Variants in SGIP1 observed in about 807,000 individuals in gnomAD.
SGIP1 encodes the protein SH3GL interacting endocytic adaptor 1, also known as SH3-containing GRB2-like protein 3-interacting protein 1.
SGIP1 carries 38 observed loss-of-function variants against 107.5 expected under a neutral mutation model. The ratio of observed to expected loss-of-function variants is 0.35; its 90% CI spans 0.27 to 0.46. The LOEUF (loss-of-function observed/expected upper bound fraction) is 0.46, where lower values mean the gene tolerates loss of function less well. Ranked by LOEUF, SGIP1 falls within the 20% of genes least tolerant of loss-of-function variation. The pLI, the probability that SGIP1 is intolerant of heterozygous loss-of-function variation, is 1.00. For synonymous variants in SGIP1, 365 were observed against 366.1 expected (o/e 1.00, Z 0.03); for missense variants, 929 against 1,019.5 (o/e 0.91, Z 1.21).
At chr1:66,741,138 G>A in intron 23 of SGIP1, 134 bp from the exon 24 acceptor site, 3 of 949,340 alleles carry the variant, frequency 3.2e-6, no homozygotes, top group Middle Eastern at 3.4e-4. Flanking sequence ...AATATTCAAT[G>A]ATAAACTCAT....
chr1:66,692,017 G>T (rs1031650353), intron 17 of SGIP1, among the ~76,000 whole-genome samples: 1 of 152,000 alleles, frequency 6.6e-6, no homozygotes, highest in Non-Finnish European at 1.5e-5. Flanking sequence ...AAATTAGCCG[G>T]GTGTGGTGGT....
intron 7 of SGIP1, among the ~76,000 whole-genome samples, chr1:66,650,034 T>A (rs1027769514): frequency 6.6e-6 from 1 of 152,166 alleles, no homozygotes; most frequent in Non-Finnish European, 1.5e-5. Context: ...AGAAGCTACA[T>A]GTAAAGATTG....
In SGIP1 at chr1:66,740,719, G is replaced by C; in HGVS notation, c.2296G>C (p.Gly766Arg). Reference sequence around the variant, plus strand: ...TGATATCTCTCAGAAGTCAGAAAATGGAGGTAATGGAATCACAAGTTTATT... The same window carrying C: ...TGATATCTCTCAGAAGTCAGAAAATCGAGGTAATGGAATCACAAGTTTATT... Reference protein sequence around the residue: ...IPDISQKSENGGVGSLLARFQ... With the variant: ...IPDISQKSENRGVGSLLARFQ... Residue 766 changes from glycine to arginine, a missense_variant, in exon 23 of 25, where the codon GGA becomes CGA. This residue lies in a region of SGIP1 where 341 missense variants were observed against 430.9 expected (regional missense o/e 0.79). Coordinates refer to ENST00000371037, the MANE Select transcript of SGIP1 (RefSeq NM_032291.4). 1 of 1,598,798 alleles carries C rather than the reference G, an allele frequency of 6.3e-7. No homozygotes were observed. The highest frequency in any genetic ancestry group is 2.2e-5 in the East Asian group (1 of 44,666).
At chr1:66,613,948 G>T (rs922155974) in intron 1 of SGIP1, among the ~76,000 whole-genome samples, 1 of 152,172 alleles carries the variant, frequency 6.6e-6, no homozygotes, top group African/African-American at 2.4e-5. Flanking sequence ...GATATCTTCT[G>T]ATAGTGATGC....
chr1:66,711,885 C>G (rs2092944498), intron 18 of SGIP1, among the ~76,000 whole-genome samples: 1 of 152,106 alleles, frequency 6.6e-6, no homozygotes, highest in African/African-American at 2.4e-5. Context: ...GGTGCAGATC[C>G]TTCCTTGGAT....
rs1171981132 is a variant in SGIP1, at chr1:66,650,314, A to G, written c.459+6595A>G. Among the ~76,000 whole-genome samples the G allele has an allele frequency of 2.0e-5, 3 of 152,214 alleles. No individual in the cohort carries two copies. The East Asian group carries it at 5.8e-4, about 29-fold the overall frequency. ...GACTTATTGAAGGCTAACATTCACA[A>G]TGGCACACTTCATTGTGCATCATGG... On this transcript the variant is annotated intron_variant, in intron 7 of 24. Transcript: ENST00000371037.
At chr1:66,742,460 CTTTTTTT>C (rs764080079) in intron 24 of SGIP1, among the ~76,000 whole-genome samples, 1,777 of 44,990 alleles carry the variant, frequency 0.039, 31 homozygotes, top group African/African-American at 0.1. Flanking sequence ...AGCACCCTTT[CTTTTTTT>C]TTTTTTTTTT....
At chr1:66,622,101 G>A (rs1179684531) in intron 1 of SGIP1, among the ~76,000 whole-genome samples, 3 of 152,166 alleles carry the variant, frequency 2.0e-5, no homozygotes, top group Non-Finnish European at 4.4e-5. Flanking sequence ...ATGAAACCAC[G>A]TGAGTGGATG....
chr1:66,610,899 T>G (rs1258327166), intron 1 of SGIP1, among the ~76,000 whole-genome samples: 1 of 152,110 alleles, frequency 6.6e-6, no homozygotes, highest in Non-Finnish European at 1.5e-5. Context: ...AATCAAACAT[T>G]GTATGCTCTC....
intron 1 of SGIP1, among the ~76,000 whole-genome samples, chr1:66,584,150 T>C (rs1254033155): frequency 6.6e-6 from 1 of 152,144 alleles, no homozygotes; most frequent in African/African-American, 2.4e-5. Context: ...AATTAGACTA[T>C]AAGCTTCTTG....
intron 15 of SGIP1, among the ~76,000 whole-genome samples, chr1:66,688,410 C>T (rs752563936): frequency 6.6e-6 from 1 of 152,154 alleles, no homozygotes; most frequent in African/African-American, 2.4e-5. Context: ...GTGTTTCATA[C>T]GTTTGTCATT....
chr1:66,652,765 A>C (rs1279962840), intron 7 of SGIP1, among the ~76,000 whole-genome samples: 2 of 152,116 alleles, frequency 1.3e-5, no homozygotes, highest in Non-Finnish European at 2.9e-5. Flanking sequence ...ACAAAGAGTC[A>C]TCAGTGGAGG....
rs898515268 is a variant in SGIP1, at chr1:66,748,891, T to TA, written c.*5804dup. Among the ~76,000 whole-genome samples, 1 of 151,620 alleles carries TA rather than the reference T, an allele frequency of 6.6e-6. No individual in the cohort carries two copies. Among genetic ancestry groups the TA allele is most frequent in the African/African-American group, 2.4e-5 (1 of 41,222 alleles). On this transcript the variant is annotated 3_prime_UTR_variant, in exon 25 of 25. Coordinates refer to ENST00000371037, the MANE Select transcript of SGIP1 (RefSeq NM_032291.4). ...AGCTTAAGAAAGTTATTGAATCAGG[T>TA]AAAAAAAATTTTTTCTAAGCACACC...
At chr1:66,627,167 AG>A (rs1558119608) in intron 2 of SGIP1, among the ~76,000 whole-genome samples, 2 of 152,130 alleles carry the variant, frequency 1.3e-5, no homozygotes, top group Non-Finnish European at 2.9e-5. Context: ...AGTATGTGTA[AG>A]TTCCTTACAA....
intron 1 of SGIP1, among the ~76,000 whole-genome samples, chr1:66,570,694 A>C (rs996528654): frequency 6.6e-6 from 1 of 151,970 alleles, no homozygotes; most frequent in Non-Finnish European, 1.5e-5. Context: ...AGTATTGAGC[A>C]AAACATATGT....
intron 8 of SGIP1, among the ~76,000 whole-genome samples, chr1:66,663,813 C>T (rs1043885285): frequency 6.6e-6 from 1 of 152,074 alleles, no homozygotes; most frequent in African/African-American, 2.4e-5. Context: ...AGGTTTATAA[C>T]TCATTGGAAA....
chr1:66,552,964 C>A (rs1380987210), intron 1 of SGIP1, among the ~76,000 whole-genome samples: 1 of 152,154 alleles, frequency 6.6e-6, no homozygotes, highest in Non-Finnish European at 1.5e-5. Context: ...CCCTTGGCCA[C>A]AGCAGTGAGT....
chr1:66,704,201 G>C (rs2092287224), intron 18 of SGIP1: 1 of 151,980 alleles, frequency 6.6e-6, no homozygotes, highest in South Asian at 2.1e-4. Flanking sequence ...TGGCATTCTT[G>C]TCTTCTTCCA....
In SGIP1 at chr1:66,729,265, T is replaced by C. The variant is rs559144967; in HGVS notation, c.1744T>C (p.Cys582Arg). 2 of 1,614,100 alleles carry C rather than the reference T, an allele frequency of 1.2e-6. No individual in the cohort carries two copies. Among genetic ancestry groups the C allele is most frequent in the Non-Finnish European group, 1.7e-6 (2 of 1,179,964 alleles). The change falls in exon 20 of 25, where the codon TGT becomes CGT. Residue 582 changes from cysteine (C) to arginine (R), a missense_variant and splice_region_variant. Cys to Arg is a radical substitution (Grantham distance 180). This residue lies in a region of SGIP1 where 341 missense variants were observed against 430.9 expected (regional missense o/e 0.79). Coordinates refer to ENST00000371037, the MANE Select transcript of SGIP1 (RefSeq NM_032291.4). The part of the protein sequence containing the change: ...AYFKGADPSK[C>R]IVKITGEMVL... ...CCTCTCTGTGTTTTGATATGCCAGA[T>C]GTATCGTTAAGATTACCGGAGAAAT...
Sources: gnomAD v4.1 joint callset for allele counts (sites outside exome capture counted in the v4.1 genomes callset) on GRCh38, gnomAD v4.1.1 for gene constraint, gnomAD v4.1.1 regional missense constraint, MANE v1.5 for transcripts, NCBI Gene and HGNC (gene_info 2026-07-23, HGNC 2026-07-21) for gene names.